Variants in OSBPL2 observed in about 807,000 individuals in gnomAD.
The protein encoded by OSBPL2 is oxysterol binding protein like 2.
A neutral mutation model predicts 58.4 loss-of-function variants in OSBPL2; 18 were observed. The observed-to-expected ratio is 0.31, with a 90% confidence interval of 0.21 to 0.46. The LOEUF (loss-of-function observed/expected upper bound fraction) is 0.46. Ranked by LOEUF, OSBPL2 falls within the 20% of genes least tolerant of loss-of-function variation. The pLI is 1.00. For synonymous variants in OSBPL2, 221 were observed against 234.1 expected (o/e 0.94, Z 0.51); for missense variants, 461 against 616.5 (o/e 0.75, Z 2.67).
At chr20:62,251,844 G>A (rs950406282) in intron 1 of OSBPL2, among the ~76,000 whole-genome samples, 26 of 122,848 alleles carry the variant, frequency 2.1e-4, no homozygotes, top group Admixed American at 2.1e-3. Context: ...CCTGTTTCAA[G>A]CGTCATTTTA....
At chr20:62,247,958 C>G (rs558933709) in intron 1 of OSBPL2, among the ~76,000 whole-genome samples, 1 of 151,240 alleles carries the variant, frequency 6.6e-6, no homozygotes, top group Non-Finnish European at 1.5e-5. Context: ...CCACTACGCC[C>G]GGCCCCTTAG....
chr20:62,271,350 G>A (rs1288784650), intron 4 of OSBPL2, among the ~76,000 whole-genome samples: 2 of 152,184 alleles, frequency 1.3e-5, no homozygotes, highest in African/African-American at 4.8e-5. Context: ...CATGTTATGG[G>A]AGGCCTCATT....
At chr20:62,265,116 C>A (rs1009976581) in intron 4 of OSBPL2, among the ~76,000 whole-genome samples, 4 of 152,132 alleles carry the variant, frequency 2.6e-5, no homozygotes, top group African/African-American at 7.2e-5. Flanking sequence ...TTGTAGCATC[C>A]ATTGGTGGGT....
At chr20:62,252,199 T>TA (rs1392636325) in intron 1 of OSBPL2, among the ~76,000 whole-genome samples, 1 of 152,106 alleles carries the variant, frequency 6.6e-6, no homozygotes, top group Non-Finnish European at 1.5e-5. Flanking sequence ...GTCTTTTTTT[T>TA]AAAGACAGCT....
chr20:62,269,756 A>T lies in OSBPL2; in HGVS notation c.259-2369A>T, dbSNP rs986626247. 6.6e-6 allele frequency among the ~76,000 whole-genome samples: 1 copy of T among 152,220 alleles called. No individual in the cohort carries two copies. The highest frequency in any genetic ancestry group is 2.4e-5 in the African/African-American group (1 of 41,448). ...TTCGGGGCTTCCTTCTTTCTCTGCC[A>T]CGTGTTCTTGCAGTGCCGAGCTCTG... On this transcript the variant is annotated intron_variant, in intron 4 of 13. Transcript: ENST00000313733. This position sits in a 1 kb window ranked among gnomAD's most constrained non-coding sequence, Gnocchi z 4.2.
At chr20:62,273,615 A>G (rs886278273) in intron 6 of OSBPL2, among the ~76,000 whole-genome samples, 1 of 152,220 alleles carries the variant, frequency 6.6e-6, no homozygotes, top group Non-Finnish European at 1.5e-5. Flanking sequence ...GAGTGAGTGT[A>G]AAGCGCTGGC....
chr20:62,271,105 C>G (rs1982026190), intron 4 of OSBPL2, among the ~76,000 whole-genome samples: 1 of 152,108 alleles, frequency 6.6e-6, no homozygotes, highest in South Asian at 2.1e-4. Flanking sequence ...AGACCCTGCT[C>G]CTTCCTGAAG....
chr20:62,259,986 G>T lies in OSBPL2; in HGVS notation c.43G>T (p.Asp15Tyr). ...EEFFDAVTGF[D>Y]SDNSSGEFSE... ...CATTTTCTTGTCTCGCACAGGCTTT[G>T]ATTCTGATAACTCTTCTGGGGAATT... The change falls in exon 3 of 14, where the codon GAT (aspartate) becomes TAT (tyrosine). Residue 15 changes from aspartate to tyrosine, a missense_variant. Coordinates refer to ENST00000313733, the MANE Select transcript of OSBPL2 (RefSeq NM_144498.4). The T allele has an allele frequency of 1.2e-6, 2 of 1,613,914 alleles. No homozygotes were observed. The highest frequency in any genetic ancestry group is 1.1e-5 in the South Asian group (1 of 90,992).
chr20:62,280,269 C>T (rs947977019), intron 7 of OSBPL2: 13 of 473,120 alleles, frequency 2.7e-5, no homozygotes, highest in African/African-American at 1.0e-4. Context: ...TGGATGGTGG[C>T]TAGAAGGTTC....
At chr20:62,265,827 C>T (rs1463780436) in intron 4 of OSBPL2, among the ~76,000 whole-genome samples, 1 of 152,172 alleles carries the variant, frequency 6.6e-6, no homozygotes, top group Non-Finnish European at 1.5e-5. Flanking sequence ...CTAATTTTGA[C>T]TCTCTTAAAT....
chr20:62,285,642 CAT>C (rs1453111544), intron 10 of OSBPL2: 1 of 152,424 alleles, frequency 6.6e-6, no homozygotes, highest in African/African-American at 2.4e-5. Context: ...GGAGAGGCGC[CAT>C]GTGTGTGAAT....
At chr20:62,276,078 G>A (rs1210170096) in intron 6 of OSBPL2, among the ~76,000 whole-genome samples, 1 of 151,902 alleles carries the variant, frequency 6.6e-6, no homozygotes, top group Non-Finnish European at 1.5e-5. Context: ...CACCAGGCCC[G>A]GCTAATTTTC....
chr20:62,272,457 A>G lies in OSBPL2; in HGVS notation c.393+198A>G, dbSNP rs559076327. On this transcript the variant is annotated intron_variant, in intron 5 of 13. Transcript: ENST00000313733. ...GATGACAGAACTTGCCGGAAATGCC[A>G]TTGAGCTCTCAGTGGCCCCAAGAGC... is the stretch of plus-strand genomic sequence containing the variant. Among the ~76,000 whole-genome samples the G allele has an allele frequency of 3.6e-4, 55 of 152,212 alleles. 1 individual carries two copies. The South Asian group carries it at 0.011, about 31-fold the overall frequency.
At chr20:62,281,003 C>T (rs1211021932) in intron 7 of OSBPL2, 55 bp from the exon 8 acceptor site, 27 of 1,398,744 alleles carry the variant, frequency 1.9e-5, no homozygotes, top group East Asian at 4.6e-5. Context: ...TCTTGGGTCA[C>T]GTCGTGTCTT....
chr20:62,291,528 C>T (rs1020409028), intron 12 of OSBPL2, 175 bp from the exon 13 acceptor site: 7 of 659,636 alleles, frequency 1.1e-5, no homozygotes, highest in East Asian at 5.6e-5. Flanking sequence ...GTTGGCGTGC[C>T]GGCCGCTGTG....
chr20:62,240,726 C>T (rs1174213532), intron 1 of OSBPL2, among the ~76,000 whole-genome samples: 2 of 152,242 alleles, frequency 1.3e-5, no homozygotes, highest in African/African-American at 2.4e-5. Flanking sequence ...GATTTTGCTA[C>T]ATATAGAACT....
intron 1 of OSBPL2, among the ~76,000 whole-genome samples, chr20:62,253,188 T>C (rs965293263): frequency 2.0e-5 from 3 of 152,266 alleles, no homozygotes; most frequent in Admixed American, 1.3e-4. Context: ...GTCACGCACC[T>C]GTGTGCCTTG....
chr20:62,285,687 T>C (rs1983068666), intron 10 of OSBPL2: 1 of 152,528 alleles, frequency 6.6e-6, no homozygotes, highest in Non-Finnish European at 1.5e-5. Flanking sequence ...CGCTGTGTCG[T>C]CGCACTCAGA....
At chr20:62,280,331 G>A (rs1213724349) in intron 7 of OSBPL2, 1 of 332,862 alleles carries the variant, frequency 3.0e-6, no homozygotes, top group Non-Finnish European at 5.9e-6. Context: ...TGGTATGGCC[G>A]AGTGCCTGTT....
Sources: allele counts gnomAD v4.1 joint callset (sites outside exome capture counted in the v4.1 genomes callset), GRCh38; gene constraint gnomAD v4.1.1; non-coding constraint Gnocchi (gnomAD v3.1); transcripts MANE v1.5; gene names NCBI Gene and HGNC (gene_info 2026-07-23, HGNC 2026-07-21).